Variants in DAB1 observed in about 807,000 individuals in gnomAD.
DAB1 encodes disabled homolog 1.
In DAB1, 15 loss-of-function variants were observed where a neutral mutation model predicts 64.6. The ratio of observed to expected loss-of-function variants is 0.23; its 90% CI spans 0.16 to 0.36. The LOEUF (loss-of-function observed/expected upper bound fraction) is 0.36. Ranked by LOEUF, DAB1 falls within the 10% of genes least tolerant of loss-of-function variation. DAB1 has a pLI of 1.00. For missense variants in DAB1, 596 were observed against 706.7 expected (o/e 0.84, Z 1.78); for synonymous variants, 235 against 251.9 (o/e 0.93, Z 0.64).
intron 4 of DAB1, among the ~76,000 whole-genome samples, chr1:58,247,655 A>T (rs190832500): frequency 7.0e-4 from 107 of 151,988 alleles, no homozygotes; most frequent in Admixed American, 1.7e-3. Flanking sequence ...TTTCCTTTAC[A>T]TTTTTTCTAA....
intron 5 of DAB1, among the ~76,000 whole-genome samples, chr1:57,895,621 G>C (rs12141442): frequency 6.6e-6 from 1 of 151,814 alleles, no homozygotes; most frequent in Non-Finnish European, 1.5e-5. Context: ...ATTACTCATT[G>C]AGAGGGAGAC....
At chr1:58,249,641 AC>A (rs151064229) in intron 4 of DAB1, among the ~76,000 whole-genome samples, 4,191 of 152,076 alleles carry the variant, frequency 0.028, 88 homozygotes, top group Non-Finnish European at 0.044. Context: ...ACAGGACTGA[AC>A]CCCCCGGAAG....
intron 4 of DAB1, among the ~76,000 whole-genome samples, chr1:58,226,274 C>T (rs1028804333): frequency 6.6e-6 from 1 of 152,016 alleles, no homozygotes; most frequent in Non-Finnish European, 1.5e-5. Flanking sequence ...CGAATAATAA[C>T]AACAGATATG....
intron 6 of DAB1, among the ~76,000 whole-genome samples, chr1:57,809,707 G>A (rs921050754): frequency 6.6e-6 from 1 of 152,086 alleles, no homozygotes; most frequent in African/African-American, 2.4e-5. Context: ...CTCCCCACAT[G>A]ACACCATAGC....
intron 1 of DAB1, chr1:58,534,298 CAGTT>C: frequency 1.2e-6 from 1 of 862,874 alleles, no homozygotes; most frequent in Non-Finnish European, 2.0e-6. Context: ...GCATCTTTCT[CAGTT>C]AGCATATCAT....
At chr1:57,521,410 AT>A (rs1644524841) in intron 7 of DAB1, among the ~76,000 whole-genome samples, 1 of 152,042 alleles carries the variant, frequency 6.6e-6, no homozygotes, top group East Asian at 1.9e-4. Context: ...TTGCTGATGA[AT>A]CTTGGGAGTC....
chr1:57,080,595 A>G (rs1652407201), intron 4 of DAB1, among the ~76,000 whole-genome samples: 2 of 152,164 alleles, frequency 1.3e-5, no homozygotes, highest in South Asian at 4.1e-4. Flanking sequence ...AGGGAGATGC[A>G]CTAGTTAACC....
intron 2 of DAB1, among the ~76,000 whole-genome samples, chr1:57,190,128 T>C (rs1663993582): frequency 6.6e-6 from 1 of 152,120 alleles, no homozygotes; most frequent in African/African-American, 2.4e-5. Flanking sequence ...AAGGAAGAGA[T>C]TGCTGAACCC....
intron 1 of DAB1, among the ~76,000 whole-genome samples, chr1:57,831,332 A>T (rs1158986696): frequency 1.3e-5 from 2 of 151,874 alleles, no homozygotes; most frequent in Non-Finnish European, 2.9e-5. Context: ...TTTTTCCCTT[A>T]CTCGTCTAGC....
chr1:57,766,090 T>C (rs144195066), intron 6 of DAB1, among the ~76,000 whole-genome samples: 1 of 152,232 alleles, frequency 6.6e-6, no homozygotes, highest in African/African-American at 2.4e-5. Flanking sequence ...ATCATCTGTA[T>C]TGTGATAACT....
intron 2 of DAB1, among the ~76,000 whole-genome samples, chr1:57,251,414 T>C (rs1360481567): frequency 1.3e-5 from 2 of 152,230 alleles, no homozygotes; most frequent in East Asian, 3.9e-4. Context: ...TTTCATCTTA[T>C]AGGCAGATAA....
At chr1:58,174,817 G>A (rs1294149533) in intron 4 of DAB1, among the ~76,000 whole-genome samples, 1 of 152,196 alleles carries the variant, frequency 6.6e-6, no homozygotes, top group African/African-American at 2.4e-5. Context: ...CTAGCTAAAG[G>A]ATTGTAAATG....
intron 3 of DAB1, among the ~76,000 whole-genome samples, chr1:58,394,980 C>CA (rs199633249): frequency 1.0e-3 from 139 of 137,424 alleles, no homozygotes; most frequent in Middle Eastern, 3.5e-3. Context: ...ATAGAGGAAG[C>CA]AAAAAAAAAA....
At chr1:57,824,858 C>A (rs553411148), downstream of DAB1, among the ~76,000 whole-genome samples, 1 of 152,298 alleles carries the variant, frequency 6.6e-6, no homozygotes, top group African/African-American at 2.4e-5. Flanking sequence ...AGATTCACAA[C>A]CTCACAGTTG....
chr1:57,494,750 C>T (rs1337838915), intron 7 of DAB1, among the ~76,000 whole-genome samples: 3 of 152,142 alleles, frequency 2.0e-5, no homozygotes, highest in Non-Finnish European at 2.9e-5. Context: ...TATAATTAGG[C>T]TTGGCTAATT....
In DAB1 at chr1:57,452,175, T is replaced by C. The variant is rs930376291; in HGVS notation, n.626-161009A>G. Among the ~76,000 whole-genome samples, 436 of 139,314 alleles carry C rather than the reference T, an allele frequency of 3.1e-3. 5 individuals are homozygous for C. The highest frequency in any genetic ancestry group is 4.7e-3 in the Non-Finnish European group (307 of 64,740). 91.4% of individuals were successfully genotyped at this position (139,314 alleles called of 152,430 possible). On this transcript the variant is annotated intron_variant and non_coding_transcript_variant, in intron 7 of 20. Transcript: ENST00000485760. ...TCTCTCTGCACCCCCCCTTTTTTTTTTTTTTTTTTTTTGACATGGTCTTGC... is the reference window on the plus strand; with the variant it reads ...TCTCTCTGCACCCCCCCTTTTTTTTCTTTTTTTTTTTTGACATGGTCTTGC...
chr1:57,496,110 G>C (rs1016137871), intron 7 of DAB1, among the ~76,000 whole-genome samples: 1 of 152,174 alleles, frequency 6.6e-6, no homozygotes, highest in East Asian at 1.9e-4. Context: ...TTATGATGTA[G>C]ATGATTTCAA....
At chr1:58,177,717 C>T (rs948963462) in intron 4 of DAB1, among the ~76,000 whole-genome samples, 4 of 151,036 alleles carry the variant, frequency 2.6e-5, no homozygotes, top group Non-Finnish European at 5.9e-5. Context: ...ATCTCATTCC[C>T]GAGAATGAAA....
At chr1:57,090,502 G>C (rs1351877186) in intron 4 of DAB1, among the ~76,000 whole-genome samples, 1 of 152,164 alleles carries the variant, frequency 6.6e-6, no homozygotes, top group African/African-American at 2.4e-5. Context: ...CTACCTGTCT[G>C]ATGCTTTTCT....
Sources: gnomAD v4.1 joint callset for allele counts (sites outside exome capture counted in the v4.1 genomes callset) on GRCh38, gnomAD v4.1.1 for gene constraint, MANE v1.5 for transcripts, NCBI Gene and HGNC (gene_info 2026-07-23, HGNC 2026-07-21) for gene names.